The following RBMS1 variants were observed in gnomAD, a reference collection of about 807,000 sequenced individuals.
RBMS1 encodes RNA binding motif single stranded interacting protein 1.
RBMS1 carries 17 observed loss-of-function variants against 62.3 expected under a neutral mutation model. That is an observed-to-expected ratio of 0.27 (90% CI 0.19 to 0.41). RBMS1 has a LOEUF of 0.41. Among genes scored for constraint, RBMS1 ranks in the 10% least tolerant of loss-of-function variants. The pLI is 1.00. For synonymous variants in RBMS1, 172 were observed against 170.0 expected, an observed-to-expected ratio of 1.01 and a Z score of -0.09; for missense variants, 334 against 504.5, an observed-to-expected ratio of 0.66 and a Z score of 3.24.
At chr2:160,332,492 G>C (rs555493140) in intron 2 of RBMS1, among the ~76,000 whole-genome samples, 5 of 152,130 alleles carry the variant, frequency 3.3e-5, no homozygotes, top group Non-Finnish European at 5.9e-5. Context: ...CATTCTCTCT[G>C]GGATTCAGCT....
At chr2:160,310,229 ATG>A (rs1045835401) in intron 4 of RBMS1, among the ~76,000 whole-genome samples, 2 of 152,236 alleles carry the variant, frequency 1.3e-5, no homozygotes, top group African/African-American at 4.8e-5. Flanking sequence ...CTGTCTCTGT[ATG>A]TGTGTGCACA....
chr2:160,484,687 T>C (rs1252631032), intron 1 of RBMS1, among the ~76,000 whole-genome samples: 19 of 148,096 alleles, frequency 1.3e-4, no homozygotes, highest in South Asian at 4.3e-4. Flanking sequence ...CTGGCTAACA[T>C]GGTGAAACCC....
chr2:160,337,676 C>T (rs532197471), intron 2 of RBMS1, among the ~76,000 whole-genome samples: 18 of 152,084 alleles, frequency 1.2e-4, no homozygotes, highest in African/African-American at 4.3e-4. Flanking sequence ...GGAGGGGAAC[C>T]ACATATTTAT....
intron 1 of RBMS1, among the ~76,000 whole-genome samples, chr2:160,478,665 C>A (rs1006549783): frequency 6.6e-6 from 1 of 152,100 alleles, no homozygotes; most frequent in Non-Finnish European, 1.5e-5. Flanking sequence ...CAATATATCC[C>A]AATTTCTCCT....
At chr2:160,363,296 G>A (rs1693227639) in intron 2 of RBMS1, among the ~76,000 whole-genome samples, 3 of 152,124 alleles carry the variant, frequency 2.0e-5, no homozygotes, top group Non-Finnish European at 4.4e-5. Context: ...ACAGACATGT[G>A]GCTAAGTAAT....
intron 4 of RBMS1, among the ~76,000 whole-genome samples, chr2:160,309,746 C>T (rs915655129): frequency 1.3e-5 from 2 of 152,168 alleles, no homozygotes; most frequent in Non-Finnish European, 2.9e-5. Context: ...GATGACCTCA[C>T]TGTCAGGTCA....
chr2:160,366,312 A>G (rs1693396567), intron 2 of RBMS1, among the ~76,000 whole-genome samples: 1 of 152,272 alleles, frequency 6.6e-6, no homozygotes, highest in Non-Finnish European at 1.5e-5. Context: ...AAGAGAAATG[A>G]GATGTTATCA....
At chr2:160,462,643 T>C (rs1156694942) in intron 1 of RBMS1, among the ~76,000 whole-genome samples, 1 of 152,166 alleles carries the variant, frequency 6.6e-6, no homozygotes, top group Non-Finnish European at 1.5e-5. Context: ...AGTTTCACTC[T>C]TGTCACCCAG....
intron 1 of RBMS1, among the ~76,000 whole-genome samples, chr2:160,442,594 G>A (rs547665089): frequency 2.6e-5 from 4 of 152,112 alleles, no homozygotes; most frequent in African/African-American, 4.8e-5. Flanking sequence ...GAGACTTTGC[G>A]TTATATAAAT....
intron 6 of RBMS1, among the ~76,000 whole-genome samples, chr2:160,297,617 C>G (rs930940790): frequency 3.9e-5 from 6 of 152,216 alleles, no homozygotes; most frequent in Non-Finnish European, 7.3e-5. Context: ...AGGTGATGAT[C>G]TGCAGACACA....
intron 3 of RBMS1, among the ~76,000 whole-genome samples, chr2:160,313,600 T>A (rs1690054125): frequency 6.6e-6 from 1 of 151,974 alleles, no homozygotes; most frequent in Non-Finnish European, 1.5e-5. Flanking sequence ...ATAATCAACT[T>A]CAGGGAAATA....
chr2:160,460,320 G>A (rs1025749928), intron 1 of RBMS1, among the ~76,000 whole-genome samples: 1 of 152,178 alleles, frequency 6.6e-6, no homozygotes, highest in Non-Finnish European at 1.5e-5. Context: ...GTCACCATGA[G>A]GTAAGGGAAT....
At position 160,372,881 on chromosome 2, in the gene RBMS1, T is replaced by TA. The variant is rs1465831422; in HGVS notation, c.76-5491dup. On this transcript the variant is annotated intron_variant, in intron 1 of 13. Transcript: ENST00000348849. ...GAAGGAATGCCTGAGGCCAGGATGT[T>TA]AAAAAACACATAGCTACTAGATTAA... is the stretch of plus-strand genomic sequence containing the variant. 2.0e-5 allele frequency among the ~76,000 whole-genome samples: 3 copies of TA among 152,112 alleles called. No individual in the cohort carries two copies. In the East Asian group the frequency reaches 5.8e-4, roughly 29 times the overall value.
At chr2:160,455,577 C>G (rs1205754126) in intron 1 of RBMS1, among the ~76,000 whole-genome samples, 3 of 152,038 alleles carry the variant, frequency 2.0e-5, no homozygotes, top group Non-Finnish European at 4.4e-5. Context: ...AAATTGTGAA[C>G]CTGCCTGGAG....
chr2:160,281,538 A>G lies in RBMS1; in HGVS notation c.901-174T>C, dbSNP rs1007960773. The stretch of plus-strand genomic sequence containing the variant: ...AATTCTTGGCAAACTGGTCACTCTG[A>G]ACAGGATGAAATGATTATTTAGAAA... On this transcript the variant is annotated intron_variant, in intron 9 of 13. Coordinates refer to ENST00000348849, the MANE Select transcript of RBMS1 (RefSeq NM_016836.4). 5 of 525,954 alleles carry G rather than the reference A, an allele frequency of 9.5e-6. No homozygotes were observed. The African/African-American group carries it at 9.7e-5, about 10-fold the overall frequency. 32.6% of individuals were successfully genotyped at this position (525,954 alleles called of 1,614,324 possible). A position where few individuals can be genotyped will look rare whatever the true frequency, so the allele number is the denominator to read the frequency against.
chr2:160,440,491 G>GT (rs1376976611), intron 1 of RBMS1, among the ~76,000 whole-genome samples: 2 of 152,082 alleles, frequency 1.3e-5, no homozygotes, highest in Non-Finnish European at 2.9e-5. Context: ...GGATCTCCAT[G>GT]TACCACCTTC....
intron 4 of RBMS1, 52 bp downstream of exon 4, chr2:160,313,104 C>T: frequency 4.5e-6 from 7 of 1,560,044 alleles, no homozygotes; most frequent in Non-Finnish European, 6.2e-6. Context: ...ACCTGTCGGG[C>T]TTCACAACCA....
intron 1 of RBMS1, among the ~76,000 whole-genome samples, chr2:160,490,404 T>A (rs1329776010): frequency 6.6e-6 from 1 of 152,068 alleles, no homozygotes; most frequent in African/African-American, 2.4e-5. Flanking sequence ...ACAATCTCAT[T>A]CATTTCCACT....
At chr2:160,332,066 T>A (rs1457166023) in intron 2 of RBMS1, among the ~76,000 whole-genome samples, 1 of 152,210 alleles carries the variant, frequency 6.6e-6, no homozygotes, top group Admixed American at 6.5e-5. Context: ...TTGGAGTTTG[T>A]GTTCTTTTTG....
Sources: allele counts gnomAD v4.1 joint callset (sites outside exome capture counted in the v4.1 genomes callset), GRCh38; gene constraint gnomAD v4.1.1; transcripts MANE v1.5; gene names NCBI Gene and HGNC (gene_info 2026-07-23, HGNC 2026-07-21).